CNTNAP2: variants seen among roughly 807,000 people sequenced by gnomAD.
The protein encoded by CNTNAP2 is contactin-associated protein-like 2.
In CNTNAP2, 98 loss-of-function variants were observed where a neutral mutation model predicts 155.2. The ratio of observed to expected loss-of-function variants is 0.63; its 90% CI spans 0.54 to 0.75. CNTNAP2 has a LOEUF of 0.75. Among genes scored for constraint, CNTNAP2 ranks in the 30% least tolerant of loss-of-function variants. The probability of loss-of-function intolerance (pLI) is 0.00; values close to 1 mark genes in which losing one functional copy is unlikely to be tolerated. For synonymous variants in CNTNAP2, 651 were observed against 631.2 expected (o/e 1.03, Z -0.47); for missense variants, 1,727 against 1,688.1 (o/e 1.02, Z -0.40).
chr7:146,661,756 C>A (rs1399136185), intron 1 of CNTNAP2, among the ~76,000 whole-genome samples: 1 of 144,132 alleles, frequency 6.9e-6, no homozygotes, highest in African/African-American at 2.6e-5. Context: ...AATAAAGCTG[C>A]AATAAGCTTC....
At chr7:147,129,833 A>G (rs1342223829) in intron 7 of CNTNAP2, among the ~76,000 whole-genome samples, 2 of 152,230 alleles carry the variant, frequency 1.3e-5, no homozygotes, top group Admixed American at 1.3e-4. Flanking sequence ...TGATTATTTA[A>G]TAAATAATTT....
intron 11 of CNTNAP2, among the ~76,000 whole-genome samples, chr7:147,530,146 T>A (rs190723416): frequency 5.5e-4 from 84 of 151,934 alleles, no homozygotes; most frequent in African/African-American, 2.0e-3. Flanking sequence ...GTTCCACATG[T>A]GTGAGGAGGC....
At chr7:146,874,860 A>G (rs554454742) in intron 3 of CNTNAP2, among the ~76,000 whole-genome samples, 81 of 152,280 alleles carry the variant, frequency 5.3e-4, no homozygotes, top group Non-Finnish European at 8.8e-4. Flanking sequence ...CAGTTTCCCA[A>G]TTAGCGCTTT....
At chr7:146,666,687 C>G (rs1202472413) in intron 1 of CNTNAP2, among the ~76,000 whole-genome samples, 3 of 152,136 alleles carry the variant, frequency 2.0e-5, no homozygotes, top group African/African-American at 7.2e-5. Context: ...TGATAATAGC[C>G]ATCCTAACTG....
chr7:147,468,522 T>A (rs1798158681), intron 10 of CNTNAP2, among the ~76,000 whole-genome samples: 1 of 152,214 alleles, frequency 6.6e-6, no homozygotes, highest in African/African-American at 2.4e-5. Flanking sequence ...CTTTTCTTCA[T>A]CTATAAATGA....
At chr7:147,015,459 C>A (rs1188246651) in intron 3 of CNTNAP2, among the ~76,000 whole-genome samples, 1 of 151,802 alleles carries the variant, frequency 6.6e-6, no homozygotes, top group African/African-American at 2.4e-5. Flanking sequence ...TTTTTAATTA[C>A]CATTTTGAAA....
intron 15 of CNTNAP2, among the ~76,000 whole-genome samples, chr7:147,991,613 A>G (rs1418763661): frequency 6.6e-6 from 1 of 152,170 alleles, no homozygotes; most frequent in African/African-American, 2.4e-5. Flanking sequence ...AAGTTTTTAT[A>G]CATTCTTTGG....
chr7:146,670,086 G>A (rs1364160285), intron 1 of CNTNAP2, among the ~76,000 whole-genome samples: 1 of 152,146 alleles, frequency 6.6e-6, no homozygotes, highest in Non-Finnish European at 1.5e-5. Flanking sequence ...TTTAGTGTAT[G>A]TATTTGTTCA....
chr7:148,399,153 GCTGT>G (rs1284894785), intron 22 of CNTNAP2, among the ~76,000 whole-genome samples: 15 of 152,270 alleles, frequency 9.9e-5, no homozygotes, highest in Admixed American at 3.3e-4. Context: ...AGTCACCGAG[GCTGT>G]CTGACATACC....
chr7:146,783,305 A>T (rs11766778), intron 2 of CNTNAP2, among the ~76,000 whole-genome samples: 24,369 of 152,150 alleles, frequency 0.16, 2,274 homozygotes, highest in South Asian at 0.3. Context: ...AATATATTCT[A>T]TCTTTTAAAT....
chr7:146,263,498 G>T (rs907846449), intron 1 of CNTNAP2, among the ~76,000 whole-genome samples: 1 of 152,092 alleles, frequency 6.6e-6, no homozygotes, highest in Non-Finnish European at 1.5e-5. Context: ...GAGTAATTCA[G>T]CTTTTTCTAA....
chr7:146,979,890 T>C (rs961092640), intron 3 of CNTNAP2, among the ~76,000 whole-genome samples: 2 of 152,250 alleles, frequency 1.3e-5, no homozygotes, highest in African/African-American at 4.8e-5. Context: ...TATTTTCACA[T>C]GTTTTGTTAA....
At chr7:147,794,843 G>T (rs1031104550) in intron 13 of CNTNAP2, among the ~76,000 whole-genome samples, 1 of 151,180 alleles carries the variant, frequency 6.6e-6, no homozygotes, top group African/African-American at 2.4e-5. Flanking sequence ...TTAGGAATTT[G>T]TCCTTTGCAT....
At chr7:147,329,159 C>G (rs960664262) in intron 9 of CNTNAP2, among the ~76,000 whole-genome samples, 2 of 151,980 alleles carry the variant, frequency 1.3e-5, no homozygotes, top group African/African-American at 4.8e-5. Context: ...CACACACACA[C>G]CCACGCATAT....
intron 21 of CNTNAP2, among the ~76,000 whole-genome samples, chr7:148,326,146 T>C (rs1189256988): frequency 6.6e-6 from 1 of 151,878 alleles, no homozygotes; most frequent in African/African-American, 2.4e-5. Flanking sequence ...GGTTTTTTTT[T>C]TTCATTAAGT....
chr7:148,075,851 C>T (rs1803473870), intron 15 of CNTNAP2, among the ~76,000 whole-genome samples: 1 of 152,172 alleles, frequency 6.6e-6, no homozygotes, highest in African/African-American at 2.4e-5. Context: ...TGTTACACTC[C>T]AGAGCTATTC....
chr7:146,294,299 C>T (rs1044743762), intron 1 of CNTNAP2, among the ~76,000 whole-genome samples: 1 of 151,988 alleles, frequency 6.6e-6, no homozygotes, highest in African/African-American at 2.4e-5. Flanking sequence ...TAACTTTTAC[C>T]CAGAGCCTAC....
At chr7:147,366,811 A>ACACC (rs1344596330) in intron 9 of CNTNAP2, among the ~76,000 whole-genome samples, 277 of 88,922 alleles carry the variant, frequency 3.1e-3, no homozygotes, top group African/African-American at 9.8e-3. Context: ...ACACACACAC[A>ACACC]CCCCAATGTT....
intron 13 of CNTNAP2, among the ~76,000 whole-genome samples, chr7:147,758,603 G>A (rs10280155): frequency 0.16 from 24,235 of 152,104 alleles, 3,707 homozygotes; most frequent in African/African-American, 0.4. Context: ...CAGCACTTTG[G>A]GAGGCTGAGG....
Sources: gnomAD v4.1 joint callset for allele counts (sites outside exome capture counted in the v4.1 genomes callset) on GRCh38, gnomAD v4.1.1 for gene constraint, MANE v1.5 for transcripts, NCBI Gene and HGNC (gene_info 2026-07-23, HGNC 2026-07-21) for gene names.